Variants in ANK3 observed in about 807,000 individuals in gnomAD.
ANK3 encodes ankyrin 3.
A neutral mutation model predicts 370.9 loss-of-function variants in ANK3; 57 were observed. That is an observed-to-expected ratio of 0.15 (90% CI 0.12 to 0.19). The LOEUF (loss-of-function observed/expected upper bound fraction) is 0.19, where lower values mean the gene tolerates loss of function less well. ANK3 is among the 10% of genes least tolerant of loss of function. The pLI is 1.00. For synonymous variants in ANK3, 1,929 were observed against 1,946.3 expected, an observed-to-expected ratio of 0.99 and a Z score of 0.23; for missense variants, 4,439 against 5,302.1, an observed-to-expected ratio of 0.84 and a Z score of 5.06.
intron 2 of ANK3, among the ~76,000 whole-genome samples, chr10:60,600,745 T>G (rs189611788): frequency 1.2e-3 from 189 of 152,336 alleles, no homozygotes; most frequent in African/African-American, 4.2e-3. Flanking sequence ...ATGTAACATT[T>G]GATTAGATAT....
chr10:60,442,116 G>A lies in ANK3; in HGVS notation c.97-162477C>T, dbSNP rs1368338928. Among the ~76,000 whole-genome samples the A allele has an allele frequency of 4.0e-3, 509 of 126,540 alleles. 1 individual carries two copies. Among genetic ancestry groups the A allele is most frequent in the African/African-American group, 0.015 (489 of 32,064 alleles). The allele number at this position is 126,540 out of a possible 152,430, so 83.0% of individuals were successfully genotyped here. On this transcript the variant is annotated intron_variant, in intron 2 of 43. Transcript: ENST00000373827. ...ATATACTTTTTTTTTTTTTTTTTGA[G>A]ATGGAATCTTGCTCTGTTGCCCAGG...
chr10:60,665,496 C>T (rs1381741045), intron 1 of ANK3, among the ~76,000 whole-genome samples: 7 of 152,256 alleles, frequency 4.6e-5, no homozygotes, highest in African/African-American at 1.7e-4. Context: ...TCCTTTGACA[C>T]ATAAATCCTG....
intron 1 of ANK3, among the ~76,000 whole-genome samples, chr10:60,702,870 T>A: frequency 6.6e-6 from 1 of 152,128 alleles, no homozygotes; most frequent in Non-Finnish European, 1.5e-5. Context: ...TACCACAATC[T>A]AAAAAGAAGT....
chr10:60,421,124 C>T (rs7092863), intron 2 of ANK3, among the ~76,000 whole-genome samples: 115,752 of 151,950 alleles, frequency 0.76, 44,157 homozygotes, highest in South Asian at 0.92. Flanking sequence ...ATATAAAATA[C>T]CTAGACTAGG....
In ANK3 at chr10:60,134,892, G is replaced by A. The variant is rs1433377966; in HGVS notation, c.2739-519C>T. On this transcript the variant is annotated intron_variant, in intron 24 of 43. Coordinates refer to ENST00000280772, the MANE Select transcript of ANK3 (RefSeq NM_020987.5). Reference sequence around the variant, plus strand: ...GTAGTGTTATGAATACACTTTGCATGATCCTTTTTGCCATCTTCCTGGCTT... The same window carrying A: ...GTAGTGTTATGAATACACTTTGCATAATCCTTTTTGCCATCTTCCTGGCTT... 2.0e-5 allele frequency among the ~76,000 whole-genome samples: 3 copies of A among 152,216 alleles called. No individual in the cohort carries two copies. The East Asian group carries it at 5.8e-4, about 29-fold the overall frequency.
At chr10:60,107,647 T>C (rs2092324385) in intron 27 of ANK3, among the ~76,000 whole-genome samples, 1 of 152,250 alleles carries the variant, frequency 6.6e-6, no homozygotes, top group South Asian at 2.1e-4. Flanking sequence ...AAATATCTTA[T>C]TTTCCCAACA....
chr10:60,144,763 C>G (rs1376574304), intron 23 of ANK3, among the ~76,000 whole-genome samples: 1 of 152,088 alleles, frequency 6.6e-6, no homozygotes, highest in African/African-American at 2.4e-5. Flanking sequence ...CTGTGGTGGG[C>G]CAAATAGGTG....
At chr10:60,674,683 T>C (rs924794443) in intron 1 of ANK3, among the ~76,000 whole-genome samples, 3 of 152,170 alleles carry the variant, frequency 2.0e-5, no homozygotes, top group African/African-American at 7.2e-5. Flanking sequence ...GTCAAGATAT[T>C]AAAAATTTTG....
chr10:60,536,118 T>C (rs1172818027), intron 2 of ANK3, among the ~76,000 whole-genome samples: 1 of 152,126 alleles, frequency 6.6e-6, no homozygotes, highest in Non-Finnish European at 1.5e-5. Flanking sequence ...GACTAAAAAC[T>C]ACTTTCAACA....
chr10:60,598,297 G>A (rs1047076371), intron 2 of ANK3, among the ~76,000 whole-genome samples: 4 of 152,082 alleles, frequency 2.6e-5, no homozygotes, highest in Admixed American at 6.5e-5. Context: ...ATATACTTAC[G>A]CAGTATTCTT....
At chr10:60,275,971 A>G (rs926445494) in intron 4 of ANK3, among the ~76,000 whole-genome samples, 7 of 152,226 alleles carry the variant, frequency 4.6e-5, no homozygotes, top group African/African-American at 1.7e-4. Flanking sequence ...TAATAATAGA[A>G]TTCTTTATAA....
chr10:60,724,929 G>C (rs754673985), intron 1 of ANK3, among the ~76,000 whole-genome samples: 5 of 152,108 alleles, frequency 3.3e-5, no homozygotes, highest in Non-Finnish European at 7.4e-5. Flanking sequence ...CATCCAGAGG[G>C]TTGAGTTAAC....
chr10:60,479,645 T>C (rs1454433400), intron 2 of ANK3, among the ~76,000 whole-genome samples: 3 of 152,276 alleles, frequency 2.0e-5, no homozygotes, highest in Non-Finnish European at 4.4e-5. Context: ...TTCTTTACTA[T>C]GAGGCTATCA....
intron 1 of ANK3, among the ~76,000 whole-genome samples, chr10:60,719,144 G>T (rs539238242): frequency 6.6e-6 from 1 of 151,960 alleles, no homozygotes; most frequent in East Asian, 1.9e-4. Flanking sequence ...CTCACTGCTT[G>T]GTAACTTGCT....
intron 1 of ANK3, among the ~76,000 whole-genome samples, chr10:60,685,561 A>T (rs74155695): frequency 0.012 from 1,787 of 152,344 alleles, 35 homozygotes; most frequent in African/African-American, 0.04. Flanking sequence ...CAGGTTTATT[A>T]TACAGAAATA....
At chr10:60,640,205 A>G (rs945127848) in intron 1 of ANK3, among the ~76,000 whole-genome samples, 15 of 151,470 alleles carry the variant, frequency 9.9e-5, no homozygotes, top group Admixed American at 9.9e-4. Flanking sequence ...ATTCTACGAG[A>G]GGTACAAGGA....
chr10:60,588,588 G>C lies in ANK3; in HGVS notation c.96+26598C>G, dbSNP rs555395751. ...GCAACCAGCAAAATCTAAACTGTGAGAAATTCTAAGAACAAATTACCTAAT... is the reference window on the plus strand; with the variant it reads ...GCAACCAGCAAAATCTAAACTGTGACAAATTCTAAGAACAAATTACCTAAT... On this transcript the variant is annotated intron_variant, in intron 2 of 43. Coordinates refer to the ANK3 transcript ENST00000373827. 2.0e-5 allele frequency among the ~76,000 whole-genome samples: 3 copies of C among 151,810 alleles called. No individual in the cohort carries two copies. The East Asian group carries it at 5.9e-4, about 30-fold the overall frequency.
chr10:60,646,412 G>C (rs1365907812), intron 1 of ANK3, among the ~76,000 whole-genome samples: 1 of 152,134 alleles, frequency 6.6e-6, no homozygotes, highest in Middle Eastern at 3.2e-3. Flanking sequence ...AAGAAAACCA[G>C]ATAAAAGACA....
At chr10:60,149,518 T>A (rs1254250457) in intron 23 of ANK3, among the ~76,000 whole-genome samples, 2 of 152,210 alleles carry the variant, frequency 1.3e-5, no homozygotes, top group African/African-American at 4.8e-5. Context: ...AAGCACACAA[T>A]TCCTTGGCGT....
Sources: gnomAD v4.1 joint callset for allele counts (sites outside exome capture counted in the v4.1 genomes callset) on GRCh38, gnomAD v4.1.1 for gene constraint, MANE v1.5 for transcripts, NCBI Gene and HGNC (gene_info 2026-07-23, HGNC 2026-07-21) for gene names.